FOCAD: variants seen among roughly 807,000 people sequenced by gnomAD.
FOCAD encodes the protein KIAA1797.
A neutral mutation model predicts 225.6 loss-of-function variants in FOCAD; 198 were observed. The observed-to-expected ratio is 0.88, with a 90% confidence interval of 0.78 to 0.99. The LOEUF is 0.99. Among genes scored for constraint, FOCAD ranks in the 50% least tolerant of loss-of-function variants. FOCAD has a pLI of 0.00. For synonymous variants in FOCAD, 897 were observed against 755.0 expected, an observed-to-expected ratio of 1.19 and a Z score of -3.08; for missense variants, 2,713 against 2,123.6, an observed-to-expected ratio of 1.28 and a Z score of -5.46.
At chr9:20,978,312 C>A in intron 36 of FOCAD, 27 bp from the exon 37 acceptor site, 1 of 1,469,544 alleles carries the variant, frequency 6.8e-7, no homozygotes, top group South Asian at 1.2e-5. Flanking sequence ...ACTATATATT[C>A]AATTCTTTTC....
At chr9:20,770,723 A>T (rs981463730) in intron 8 of FOCAD, among the ~76,000 whole-genome samples, 1 of 152,196 alleles carries the variant, frequency 6.6e-6, no homozygotes, top group Non-Finnish European at 1.5e-5. Flanking sequence ...AACTGGGTGG[A>T]TCTGCTCATT....
intron 1 of FOCAD, among the ~76,000 whole-genome samples, chr9:20,707,871 G>A (rs1824520925): frequency 6.6e-6 from 1 of 152,208 alleles, no homozygotes; most frequent in Non-Finnish European, 1.5e-5. Flanking sequence ...AAGAGCTGAG[G>A]CTAAGTGTGA....
At chr9:20,800,722 C>G (rs1394886478) in intron 11 of FOCAD, among the ~76,000 whole-genome samples, 1 of 152,084 alleles carries the variant, frequency 6.6e-6, no homozygotes, top group Non-Finnish European at 1.5e-5. Flanking sequence ...GACTTCTCTG[C>G]TTTGGTTATT....
At chr9:20,857,453 G>A (rs1327320765) in intron 15 of FOCAD, among the ~76,000 whole-genome samples, 1 of 151,888 alleles carries the variant, frequency 6.6e-6, no homozygotes, top group African/African-American at 2.4e-5. Flanking sequence ...TTTGTATTCT[G>A]TGACTTTCCT....
chr9:20,756,530 C>T (rs1307666353), intron 5 of FOCAD, among the ~76,000 whole-genome samples: 1 of 152,138 alleles, frequency 6.6e-6, no homozygotes, highest in Non-Finnish European at 1.5e-5. Context: ...TGCTAGGGGA[C>T]AAACTTCATT....
intron 1 of FOCAD, among the ~76,000 whole-genome samples, chr9:20,690,393 T>G (rs1272980644): frequency 6.6e-6 from 1 of 152,224 alleles, no homozygotes; most frequent in East Asian, 1.9e-4. Context: ...ACTGTACAAT[T>G]TATTTGTTAC....
At chr9:20,853,224 A>C (rs1174967307) in intron 15 of FOCAD, among the ~76,000 whole-genome samples, 4 of 151,746 alleles carry the variant, frequency 2.6e-5, no homozygotes, top group African/African-American at 9.7e-5. Context: ...TGGAATTTGC[A>C]TTGGAAGATA....
At chr9:20,828,613 A>T (rs1324111372) in intron 15 of FOCAD, among the ~76,000 whole-genome samples, 1 of 151,916 alleles carries the variant, frequency 6.6e-6, no homozygotes. Flanking sequence ...CAAGAAAGTG[A>T]TTTTATTTTT....
chr9:20,730,044 T>C (rs1166430829), intron 4 of FOCAD, among the ~76,000 whole-genome samples: 2 of 152,208 alleles, frequency 1.3e-5, no homozygotes, highest in Non-Finnish European at 2.9e-5. Flanking sequence ...CTTTCTTGAA[T>C]ATAAACTGTG....
intron 1 of FOCAD, among the ~76,000 whole-genome samples, chr9:20,688,867 C>T (rs751979058): frequency 1.3e-5 from 2 of 152,146 alleles, no homozygotes; most frequent in Admixed American, 6.5e-5. Flanking sequence ...AATACTAGTT[C>T]ATATGATTCT....
intron 10 of FOCAD, among the ~76,000 whole-genome samples, chr9:20,788,302 T>C (rs1299935718): frequency 1.3e-5 from 2 of 151,724 alleles, no homozygotes; most frequent in Non-Finnish European, 2.9e-5. Flanking sequence ...TGGAGGAGGG[T>C]TGGGGGAGTA....
At chr9:20,696,085 T>C (rs1293827933) in intron 1 of FOCAD, among the ~76,000 whole-genome samples, 2 of 152,272 alleles carry the variant, frequency 1.3e-5, no homozygotes, top group Admixed American at 6.5e-5. Context: ...TGCATCTTAG[T>C]GTATGACTGC....
rs747543737 is a variant in FOCAD, at chr9:20,946,727, A to G, written c.3582A>G (p.Val1194=). 1.2e-6 allele frequency: 2 copies of G among 1,613,570 alleles called. No homozygotes were observed. Among genetic ancestry groups the G allele is most frequent in the Non-Finnish European group, 1.7e-6 (2 of 1,179,588 alleles). ...TCCTTGCCTACACACTTAGCTGTGT[A>G]TGTACATCAGCGTTCAGTGCTGGAA... ...QEVLAYTLSC[V]CTSAFSAGII... Residue 1194 remains valine, a synonymous_variant, in exon 30 of 44, where the codon GTA becomes GTG. Coordinates refer to ENST00000338382, the MANE Select transcript of FOCAD (RefSeq NM_001375567.1).
chr9:20,902,875 A>G (rs1173752405), intron 21 of FOCAD, among the ~76,000 whole-genome samples: 1 of 151,932 alleles, frequency 6.6e-6, no homozygotes, highest in African/African-American at 2.4e-5. Context: ...TCGAATGATG[A>G]TGACAAAGAA....
At chr9:20,794,507 A>AAAAT (rs1423286851) in intron 11 of FOCAD, among the ~76,000 whole-genome samples, 2 of 152,162 alleles carry the variant, frequency 1.3e-5, no homozygotes, top group Admixed American at 1.3e-4. Context: ...AGAAACAGAG[A>AAAAT]AAATGAAGGA....
At chr9:20,778,423 A>G (rs1051824392) in intron 8 of FOCAD, among the ~76,000 whole-genome samples, 7 of 152,046 alleles carry the variant, frequency 4.6e-5, no homozygotes, top group East Asian at 1.9e-4. Context: ...GGTTTCACCA[A>G]GTTGGCTGGG....
At chr9:20,865,610 C>T (rs1173000343) in intron 16 of FOCAD, among the ~76,000 whole-genome samples, 3 of 152,000 alleles carry the variant, frequency 2.0e-5, no homozygotes, top group Non-Finnish European at 4.4e-5. Flanking sequence ...AAACTCTCTT[C>T]TGGGTAGGCT....
intron 35 of FOCAD, among the ~76,000 whole-genome samples, chr9:20,973,554 C>T (rs1839956423): frequency 6.6e-6 from 1 of 150,400 alleles, no homozygotes; most frequent in Admixed American, 6.6e-5. Context: ...TCTGCTTCTC[C>T]TTTTTCCTAT....
intron 15 of FOCAD, among the ~76,000 whole-genome samples, chr9:20,833,108 A>G (rs1181035674): frequency 6.6e-6 from 1 of 152,062 alleles, no homozygotes; most frequent in East Asian, 1.9e-4. Context: ...AGCTGTACCA[A>G]TCTGCATTCC....
Sources: gnomAD v4.1 joint callset for allele counts (sites outside exome capture counted in the v4.1 genomes callset) on GRCh38, gnomAD v4.1.1 for gene constraint, MANE v1.5 for transcripts, NCBI Gene and HGNC (gene_info 2026-07-23, HGNC 2026-07-21) for gene names.